NRG1: variants seen among roughly 807,000 people sequenced by gnomAD.
NRG1 encodes the protein pro-neuregulin-1, membrane-bound isoform.
NRG1 carries 18 observed loss-of-function variants against 63.8 expected under a neutral mutation model. The ratio of observed to expected loss-of-function variants is 0.28; its 90% CI spans 0.19 to 0.42. The LOEUF is 0.42. NRG1 is among the 10% of genes least tolerant of loss of function. The probability of loss-of-function intolerance (pLI) is 1.00; values close to 1 mark genes in which losing one functional copy is unlikely to be tolerated. For missense variants in NRG1, 762 were observed against 814.7 expected (o/e 0.94, Z 0.79); for synonymous variants, 302 against 301.3 (o/e 1.00, Z -0.02).
intron 1 of NRG1, among the ~76,000 whole-genome samples, chr8:31,968,865 G>C (rs1310067573): frequency 1.3e-5 from 2 of 152,192 alleles, no homozygotes; most frequent in Non-Finnish European, 2.9e-5. Context: ...CAGGGAAGAG[G>C]CATTACCAAT....
chr8:32,761,798 T>A (rs1253420615), intron 11 of NRG1, among the ~76,000 whole-genome samples: 1 of 151,828 alleles, frequency 6.6e-6, no homozygotes, highest in African/African-American at 2.4e-5. Context: ...CCCAGCACTT[T>A]GGGAGGCTGA....
chr8:32,328,395 C>T (rs1269272803), intron 1 of NRG1, among the ~76,000 whole-genome samples: 1 of 150,686 alleles, frequency 6.6e-6, no homozygotes, highest in Non-Finnish European at 1.5e-5. Flanking sequence ...TAGTATAAAA[C>T]AAAATACTTG....
intron 1 of NRG1, among the ~76,000 whole-genome samples, chr8:32,288,229 AT>A (rs1422008719): frequency 6.6e-6 from 1 of 152,200 alleles, no homozygotes; most frequent in African/African-American, 2.4e-5. Flanking sequence ...ACTACTATCA[AT>A]TATAAGAGTG....
At chr8:32,072,301 A>G (rs1825870386) in intron 1 of NRG1, among the ~76,000 whole-genome samples, 2 of 151,000 alleles carry the variant, frequency 1.3e-5, no homozygotes, top group Admixed American at 1.3e-4. Flanking sequence ...AAAAAAAAGT[A>G]AGAAAAAGAG....
At chr8:32,650,816 A>G (rs1398496769) in intron 5 of NRG1, among the ~76,000 whole-genome samples, 1 of 152,152 alleles carries the variant, frequency 6.6e-6, no homozygotes, top group African/African-American at 2.4e-5. Flanking sequence ...TGACATTATC[A>G]TATGTGAAAC....
intron 1 of NRG1, among the ~76,000 whole-genome samples, chr8:32,245,011 T>C (rs961804989): frequency 6.6e-5 from 10 of 152,160 alleles, no homozygotes; most frequent in Non-Finnish European, 1.5e-5. Context: ...GATGTCAATG[T>C]TCTTGATGAT....
At position 31,912,221 on chromosome 8, in the gene NRG1, C is replaced by T. The variant is rs182489760; in HGVS notation, c.37+272790C>T. On this transcript the variant is annotated intron_variant, in intron 1 of 10. Coordinates refer to the NRG1 transcript ENST00000519301. Reference sequence around the variant, plus strand: ...TAACTATAAAACATTGAATAAAATGCGCTGATGTGTTTATGATTGATAACT... The same window carrying T: ...TAACTATAAAACATTGAATAAAATGTGCTGATGTGTTTATGATTGATAACT... Among the ~76,000 whole-genome samples the T allele has an allele frequency of 3.7e-4, 57 of 152,238 alleles. No individual in the cohort carries two copies. The East Asian group carries it at 4.8e-3, about 13-fold the overall frequency.
intron 4 of NRG1, 47 bp from the exon 5 acceptor site, chr8:32,616,788 A>G: frequency 4.1e-6 from 6 of 1,481,094 alleles, no homozygotes; most frequent in Non-Finnish European, 5.7e-6. Flanking sequence ...TTATGAGTCC[A>G]AGCAGCATGA....
chr8:31,697,026 G>A (rs964369852), intron 1 of NRG1, among the ~76,000 whole-genome samples: 1 of 152,124 alleles, frequency 6.6e-6, no homozygotes, highest in Non-Finnish European at 1.5e-5. Flanking sequence ...ATCCAGATAC[G>A]TTGACTTTGT....
chr8:32,229,113 C>T (rs1846633115), intron 1 of NRG1, among the ~76,000 whole-genome samples: 1 of 152,134 alleles, frequency 6.6e-6, no homozygotes, highest in African/African-American at 2.4e-5. Context: ...CTTGGCATCA[C>T]CAGGTCAATT....
chr8:32,680,053 T>A (rs990724242), intron 5 of NRG1, among the ~76,000 whole-genome samples: 2 of 152,264 alleles, frequency 1.3e-5, no homozygotes, highest in African/African-American at 4.8e-5. Flanking sequence ...CCTTCAGATT[T>A]ACTCTTCATT....
At chr8:32,137,415 C>T (rs1411385595) in intron 1 of NRG1, among the ~76,000 whole-genome samples, 2 of 151,960 alleles carry the variant, frequency 1.3e-5, no homozygotes, top group Non-Finnish European at 2.9e-5. Context: ...GTACTCTAGC[C>T]TGGGAGACAG....
At chr8:32,656,510 T>C (rs1187479946) in intron 5 of NRG1, among the ~76,000 whole-genome samples, 2 of 152,202 alleles carry the variant, frequency 1.3e-5, no homozygotes, top group Admixed American at 1.3e-4. Context: ...GTATACCTTA[T>C]GGTTTTTCTA....
chr8:31,699,125 G>T (rs1256123388), intron 1 of NRG1, among the ~76,000 whole-genome samples: 1 of 152,132 alleles, frequency 6.6e-6, no homozygotes, highest in African/African-American at 2.4e-5. Flanking sequence ...TTGTATATTT[G>T]CAAGCAGTTC....
At chr8:31,804,879 A>G (rs1822123634) in intron 1 of NRG1, among the ~76,000 whole-genome samples, 1 of 152,208 alleles carries the variant, frequency 6.6e-6, no homozygotes, top group African/African-American at 2.4e-5. Flanking sequence ...AGCCTAGCCA[A>G]GTTGATAGAA....
At chr8:32,159,361 C>T (rs1369011894) in intron 1 of NRG1, among the ~76,000 whole-genome samples, 1 of 150,836 alleles carries the variant, frequency 6.6e-6, no homozygotes, top group African/African-American at 2.4e-5. Flanking sequence ...GGTGAAACCC[C>T]GTCTCTACTA....
At chr8:32,159,407 G>A (rs1033618078) in intron 1 of NRG1, among the ~76,000 whole-genome samples, 5 of 150,536 alleles carry the variant, frequency 3.3e-5, no homozygotes, top group Non-Finnish European at 7.4e-5. Flanking sequence ...GGTGGCGGGC[G>A]CCTGTAGTCC....
intron 1 of NRG1, among the ~76,000 whole-genome samples, chr8:32,125,176 TC>T (rs1833924330): frequency 6.6e-6 from 1 of 151,926 alleles, no homozygotes; most frequent in Non-Finnish European, 1.5e-5. Flanking sequence ...GGTGCCTTGA[TC>T]TTTGACTTCT....
chr8:32,508,870 G>A (rs1828847413), intron 1 of NRG1, among the ~76,000 whole-genome samples: 1 of 151,632 alleles, frequency 6.6e-6, no homozygotes, highest in Non-Finnish European at 1.5e-5. Flanking sequence ...TGAGTAGCTG[G>A]ACTATAGGCA....
Sources: allele counts gnomAD v4.1 joint callset (sites outside exome capture counted in the v4.1 genomes callset), GRCh38; gene constraint gnomAD v4.1.1; transcripts MANE v1.5; gene names NCBI Gene and HGNC (gene_info 2026-07-23, HGNC 2026-07-21).